GPR143: variants seen among roughly 807,000 people sequenced by gnomAD.
GPR143 encodes the protein G-protein coupled receptor 143.
A neutral mutation model predicts 27.6 loss-of-function variants in GPR143; 8 were observed. The observed-to-expected ratio is 0.29, with a 90% CI of 0.17 to 0.52. The LOEUF is 0.52. GPR143 is among the 20% of genes least tolerant of loss of function. The probability of loss-of-function intolerance (pLI) is 0.96; values close to 1 mark genes in which losing one functional copy is unlikely to be tolerated. For missense variants in GPR143, 303 were observed against 343.1 expected (o/e 0.88, Z 0.92); for synonymous variants, 156 against 153.2 (o/e 1.02, Z -0.13).
intron 8 of GPR143, among the ~76,000 whole-genome samples, chrX:9,737,345 G>C (rs1461845955): frequency 9.0e-6 from 1 of 111,400 alleles, no homozygotes; most frequent in Non-Finnish European, 1.9e-5. Context: ...ATAAAACAAA[G>C]AATAGGTGTA....
intron 5 of GPR143, among the ~76,000 whole-genome samples, chrX:9,745,010 G>C (rs1211992979): frequency 8.9e-6 from 1 of 112,009 alleles, no homozygotes; most frequent in Non-Finnish European, 1.9e-5. Context: ...CCGGCACTTT[G>C]GGAGGCCAAG....
At chrX:9,744,977 C>T (rs6640495) in intron 5 of GPR143, among the ~76,000 whole-genome samples, 30,187 of 111,096 alleles carry the variant, frequency 0.27, 3,554 homozygotes, top group East Asian at 0.8. Context: ...ATGCGCCAGG[C>T]GTGGTGGCTC....
intron 4 of GPR143, 78 bp from the exon 5 acceptor site, chrX:9,746,231 G>C: frequency 1.7e-6 from 1 of 589,577 alleles, no homozygotes; most frequent in African/African-American, 2.2e-5. Flanking sequence ...TGGAAGTCAA[G>C]ATAAGAGGAT....
upstream of GPR143, among the ~76,000 whole-genome samples, chrX:9,768,770 T>G (rs752332907): frequency 9.1e-6 from 1 of 110,354 alleles, no homozygotes; most frequent in Admixed American, 9.7e-5. Context: ...CTCTGCCTCC[T>G]GGGTTCAAGT....
intron 4 of GPR143, chrX:9,748,106 G>GT (rs757983000): frequency 7.0e-6 from 1 of 143,758 alleles, no homozygotes; most frequent in South Asian, 2.0e-4. Context: ...GTGAGAAAGC[G>GT]TAGGAAGCAA....
chrX:9,760,439 T>C (rs1293671227), intron 2 of GPR143, among the ~76,000 whole-genome samples: 1 of 111,983 alleles, frequency 8.9e-6, no homozygotes, highest in African/African-American at 3.2e-5. Context: ...ACAAAATGCA[T>C]CCAATGGATT....
Position 9,746,123 on chromosome X carries a change from G to C in GPR143, c.579C>G (p.Pro193=). 8.3e-7 allele frequency: 1 copy of C among 1,197,737 alleles called. No individual in the cohort carries two copies. Among genetic ancestry groups the C allele is most frequent in the Non-Finnish European group, 1.1e-6 (1 of 882,642 alleles). Residue 193 remains proline, a synonymous_variant, in exon 5 of 9, where the codon CCC becomes CCG. Transcript: ENST00000467482. The stretch of plus-strand genomic sequence containing the variant: ...GGGGCAGGTACATGGTGACATAGTG[G>C]GGGATGGCGTGGTCCAGGCCCCGCT... The part of the protein sequence containing the change: ...RCERGLDHAI[P]HYVTMYLPLL...
intron 1 of GPR143, among the ~76,000 whole-genome samples, chrX:9,774,725 G>A (rs1256593293): frequency 8.9e-6 from 1 of 112,768 alleles, no homozygotes; most frequent in Non-Finnish European, 1.9e-5. Context: ...AAAATGCTTA[G>A]GGTTGATTAC....
upstream of GPR143, among the ~76,000 whole-genome samples, chrX:9,770,238 G>A (rs773346347): frequency 9.7e-6 from 1 of 103,121 alleles, no homozygotes; most frequent in African/African-American, 3.6e-5. Flanking sequence ...TTGGGAGGCT[G>A]AGGCGGGCAG....
intron 8 of GPR143, among the ~76,000 whole-genome samples, chrX:9,729,747 G>A (rs147168769): frequency 2.1e-4 from 23 of 111,824 alleles, no homozygotes; most frequent in Middle Eastern, 4.6e-3. Flanking sequence ...GGAAATGCAC[G>A]TCCCAGTGAC....
intron 1 of GPR143, among the ~76,000 whole-genome samples, chrX:9,776,633 C>T (rs1298450257): frequency 9.4e-6 from 1 of 106,909 alleles, no homozygotes; most frequent in Non-Finnish European, 1.9e-5. Context: ...GAGTGATCCT[C>T]CTGCCTTGGC....
Position 9,760,739 on chromosome X carries a change from G to T in GPR143, c.338C>A (p.Ala113Asp). Residue 113 changes from alanine to aspartate, a missense_variant, in exon 2 of 9, where the codon GCT becomes GAT. Coordinates refer to ENST00000467482, the MANE Select transcript of GPR143 (RefSeq NM_000273.3). The part of the protein sequence containing the change: ...SDMNHTEIWP[A>D]AFCVGSAMWI... ...CACCGCACTCCCCACGCAGAAAGCA[G>T]CAGGCCAAATTTCCGTGTGGTTCAT... is the stretch of plus-strand genomic sequence containing the variant. 8.4e-7 allele frequency: 1 copy of T among 1,190,805 alleles called. No individual in the cohort carries two copies. Among genetic ancestry groups the T allele is most frequent in the Non-Finnish European group, 1.1e-6 (1 of 878,870 alleles).
At chrX:9,755,731 A>C (rs2083471599) in intron 3 of GPR143, among the ~76,000 whole-genome samples, 1 of 111,872 alleles carries the variant, frequency 8.9e-6, no homozygotes, top group African/African-American at 3.2e-5. Flanking sequence ...CAGGAAAATC[A>C]AAGGAACCTG....
At chrX:9,737,064 G>C (rs910091735) in intron 8 of GPR143, among the ~76,000 whole-genome samples, 24 of 111,747 alleles carry the variant, frequency 2.1e-4, no homozygotes, top group African/African-American at 7.2e-4. Context: ...ACTTTGGGAG[G>C]CCAAGGTGGG....
intron 1 of GPR143, among the ~76,000 whole-genome samples, chrX:9,774,151 A>C (rs1335756090): frequency 1.8e-5 from 2 of 109,784 alleles, no homozygotes; most frequent in Admixed American, 9.8e-5. Flanking sequence ...AAAGAAAAAA[A>C]AGTCAGTAAA....
intron 8 of GPR143, among the ~76,000 whole-genome samples, chrX:9,731,814 A>T (rs1425557826): frequency 9.5e-6 from 1 of 105,065 alleles, no homozygotes; most frequent in African/African-American, 3.4e-5. Flanking sequence ...GGGGGGAAGG[A>T]ATTGTGGAAG....
chrX:9,773,157 T>C (rs780050880), intron 1 of GPR143, among the ~76,000 whole-genome samples: 2 of 111,912 alleles, frequency 1.8e-5, no homozygotes, highest in Non-Finnish European at 3.8e-5. Context: ...CATGCATAAT[T>C]CTACACGCCT....
chrX:9,735,787 G>A (rs1341477123), intron 8 of GPR143, among the ~76,000 whole-genome samples: 3 of 111,813 alleles, frequency 2.7e-5, no homozygotes, highest in African/African-American at 9.8e-5. Context: ...GGGTCTGAAG[G>A]GTATGATGAA....
chrX:9,765,529 C>G, intron 1 of GPR143, 39 bp downstream of exon 1: 3 of 1,078,457 alleles, frequency 2.8e-6, no homozygotes, highest in Non-Finnish European at 3.6e-6. Context: ...CACCCAGGCG[C>G]TGATCAGATT....
Sources: gnomAD v4.1 joint callset for allele counts (sites outside exome capture counted in the v4.1 genomes callset) on GRCh38, gnomAD v4.1.1 for gene constraint, MANE v1.5 for transcripts, NCBI Gene and HGNC (gene_info 2026-07-23, HGNC 2026-07-21) for gene names.